Variants in OVOL1 observed in about 807,000 individuals in gnomAD.
OVOL1 encodes the protein ovo like transcriptional repressor 1, also known as putative transcription factor Ovo-like 1.
In OVOL1, 10 loss-of-function variants were observed where a neutral mutation model predicts 21.5. The ratio of observed to expected loss-of-function variants is 0.46; its 90% CI spans 0.29 to 0.79. OVOL1 has a LOEUF of 0.79. OVOL1 is among the 30% of genes least tolerant of loss of function. OVOL1 has a pLI of 0.10. For synonymous variants in OVOL1, 129 were observed against 150.3 expected, an observed-to-expected ratio of 0.86 and a Z score of 1.03; for missense variants, 279 against 362.3, an observed-to-expected ratio of 0.77 and a Z score of 1.87.
intron 2 of OVOL1, 68 bp downstream of exon 2, chr11:65,794,316 C>A: frequency 7.1e-7 from 1 of 1,417,850 alleles, no homozygotes; most frequent in Non-Finnish European, 9.9e-7. Context: ...GCTCATGAGA[C>A]ATGGCACAAA....
At chr11:65,794,947 C>T in intron 3 of OVOL1, 99 bp from the exon 4 acceptor site, 3 of 1,291,630 alleles carry the variant, frequency 2.3e-6, no homozygotes, top group Non-Finnish European at 3.2e-6. Flanking sequence ...ATCCCTTGGC[C>T]CTAGAGGCAG....
intron 1 of OVOL1, chr11:65,789,673 C>T (rs1215271381): frequency 9.1e-6 from 9 of 985,318 alleles, no homozygotes; most frequent in African/African-American, 5.2e-5. Flanking sequence ...GGCACGTTTC[C>T]GTTCACCTCA....
At position 65,794,233 on chromosome 11, in the gene OVOL1, G is replaced by A. The variant is rs1369904120; in HGVS notation, c.303G>A (p.Leu101=). Reference sequence around the variant, plus strand: ...CCCAGAGCAGAGACCATGGCTTCCTGCGCACCAAGATGAAGGTAATGCCAC... The same window carrying A: ...CCCAGAGCAGAGACCATGGCTTCCTACGCACCAAGATGAAGGTAATGCCAC... The part of the protein sequence containing the change: ...TDPQSRDHGF[L]RTKMKVTLGD... The change falls in exon 2 of 4, where the codon CTG becomes CTA. Residue 101 remains leucine, a synonymous_variant. Coordinates refer to ENST00000335987, the MANE Select transcript of OVOL1 (RefSeq NM_004561.4). 14 of 1,613,064 alleles carry A rather than the reference G, an allele frequency of 8.7e-6. No homozygotes were observed. The highest frequency in any genetic ancestry group is 1.2e-5 in the Non-Finnish European group (14 of 1,179,888).
At chr11:65,793,323 G>C (rs1016817048) in intron 1 of OVOL1, among the ~76,000 whole-genome samples, 4 of 152,210 alleles carry the variant, frequency 2.6e-5, no homozygotes, top group Non-Finnish European at 5.9e-5. Context: ...AGCCCAGCCC[G>C]ACATGCCCCG....
intron 1 of OVOL1, among the ~76,000 whole-genome samples, chr11:65,792,663 T>C (rs1004751869): frequency 3.9e-5 from 6 of 152,288 alleles, no homozygotes; most frequent in Non-Finnish European, 8.8e-5. Context: ...AGGTGGCTCA[T>C]TAAAGGCCCC....
chr11:65,794,321 C>T, intron 2 of OVOL1, 73 bp downstream of exon 2: 1 of 1,389,450 alleles, frequency 7.2e-7, no homozygotes, highest in Non-Finnish European at 1.0e-6. Context: ...TGAGACATGG[C>T]ACAAATGAGA....
intron 1 of OVOL1, among the ~76,000 whole-genome samples, chr11:65,791,281 C>T (rs12801669): frequency 0.14 from 20,908 of 152,150 alleles, 1,536 homozygotes; most frequent in East Asian, 0.22. Context: ...GAGATGGGCA[C>T]GGGGGGCACC....
At position 65,795,030 on chromosome 11, in the gene OVOL1, C is replaced by T. The variant is rs1162066916; in HGVS notation, c.509-16C>T. On this transcript the variant is annotated splice_polypyrimidine_tract_variant and intron_variant, in intron 3 of 3. Coordinates refer to ENST00000335987, the MANE Select transcript of OVOL1 (RefSeq NM_004561.4). This position sits in a 1 kb window ranked among gnomAD's most constrained non-coding sequence, Gnocchi z 5.7. ...CCCTGCCAGGTCTCTGATGCTGGCC[C>T]CTGTCCTCCCCACAGGCGTGCGGCC... The T allele has an allele frequency of 6.2e-7, 1 of 1,608,216 alleles. No homozygotes were observed. The highest frequency in any genetic ancestry group is 8.5e-7 in the Non-Finnish European group (1 of 1,177,722).
intron 1 of OVOL1, chr11:65,788,777 C>A: frequency 3.0e-6 from 3 of 985,448 alleles, no homozygotes; most frequent in Non-Finnish European, 3.6e-6. Context: ...GCCAGAAGAC[C>A]CTGGTAACCC....
chr11:65,788,787 C>G, intron 1 of OVOL1: 1 of 985,456 alleles, frequency 1.0e-6, no homozygotes, highest in Non-Finnish European at 1.2e-6. Context: ...CCTGGTAACC[C>G]CAGTGGGGAA....
intron 1 of OVOL1, among the ~76,000 whole-genome samples, chr11:65,787,705 G>C (rs1488326304): frequency 6.6e-6 from 1 of 151,776 alleles, no homozygotes; most frequent in East Asian, 1.9e-4. Context: ...ATGGTGGAAG[G>C]GGAGCCGCTC....
chr11:65,793,034 T>C (rs1212799717), intron 1 of OVOL1, among the ~76,000 whole-genome samples: 2 of 152,240 alleles, frequency 1.3e-5, no homozygotes, highest in African/African-American at 4.8e-5. Flanking sequence ...GATTTTTCCT[T>C]CTGAAGCTTG....
At chr11:65,787,611 C>A in intron 1 of OVOL1, 138 bp downstream of exon 1, 2 of 209,940 alleles carry the variant, frequency 9.5e-6, no homozygotes, top group Non-Finnish European at 1.7e-5. Context: ...GCGGCCTGGG[C>A]TGGGTGGGCC....
At chr11:65,787,773 A>C (rs1045906487) in intron 1 of OVOL1, among the ~76,000 whole-genome samples, 3 of 152,042 alleles carry the variant, frequency 2.0e-5, no homozygotes, top group South Asian at 2.1e-4. Context: ...GGCACAGAGG[A>C]GGCAGCGGGG....
chr11:65,795,640 A>C lies in OVOL1; in HGVS notation c.*299A>C. 2 of 486,442 alleles carry C rather than the reference A, an allele frequency of 4.1e-6. No individual in the cohort carries two copies. Among genetic ancestry groups the C allele is most frequent in the Non-Finnish European group, 3.8e-6 (1 of 266,398 alleles). 30.1% of individuals were successfully genotyped at this position (486,442 alleles called of 1,614,324 possible). Reference sequence around the variant, plus strand: ...CCTTCAATTAGAAGCAGCCGCCCACAGAGACAGGCACTGTGTGCCTGGCAG... The same window carrying C: ...CCTTCAATTAGAAGCAGCCGCCCACCGAGACAGGCACTGTGTGCCTGGCAG... On this transcript the variant is annotated 3_prime_UTR_variant, in exon 4 of 4. Transcript: ENST00000335987. This position sits in a 1 kb window ranked among gnomAD's most constrained non-coding sequence, Gnocchi z 5.7.
intron 1 of OVOL1, among the ~76,000 whole-genome samples, chr11:65,788,216 G>A (rs1857942294): frequency 6.6e-6 from 1 of 152,250 alleles, no homozygotes; most frequent in Admixed American, 6.5e-5. Flanking sequence ...CCACCCCACA[G>A]CGGAGGGCCA....
intron 1 of OVOL1, chr11:65,788,442 G>A (rs1305052647): frequency 3.0e-6 from 3 of 984,226 alleles, no homozygotes; most frequent in Non-Finnish European, 3.6e-6. Flanking sequence ...GCGGGGCGTG[G>A]ACGCTCTGAA....
intron 1 of OVOL1, chr11:65,788,555 A>C: frequency 1.0e-6 from 1 of 985,348 alleles, no homozygotes; most frequent in Non-Finnish European, 1.2e-6. Flanking sequence ...GCCTTGTAGG[A>C]AAGTGGGGAA....
At chr11:65,789,035 T>C in intron 1 of OVOL1, 5 of 985,596 alleles carry the variant, frequency 5.1e-6, no homozygotes, top group Non-Finnish European at 6.0e-6. Flanking sequence ...TCTGATAAAC[T>C]GAACTTGGAC....
Sources: gnomAD v4.1 joint callset for allele counts (sites outside exome capture counted in the v4.1 genomes callset) on GRCh38, gnomAD v4.1.1 for gene constraint, Gnocchi (gnomAD v3.1) non-coding constraint, MANE v1.5 for transcripts, NCBI Gene and HGNC (gene_info 2026-07-23, HGNC 2026-07-21) for gene names.